SHROOM3: variants seen among roughly 807,000 people sequenced by gnomAD.
SHROOM3 encodes protein Shroom3.
A neutral mutation model predicts 138.6 loss-of-function variants in SHROOM3; 47 were observed. The ratio of observed to expected loss-of-function variants is 0.34; its 90% CI spans 0.27 to 0.43. The LOEUF (loss-of-function observed/expected upper bound fraction) is 0.43, where lower values mean the gene tolerates loss of function less well. Ranked by LOEUF, SHROOM3 falls within the 20% of genes least tolerant of loss-of-function variation. The pLI is 1.00. For synonymous variants in SHROOM3, 1,062 were observed against 1,063.3 expected, an observed-to-expected ratio of 1.00 and a Z score of 0.02; for missense variants, 2,491 against 2,596.5, an observed-to-expected ratio of 0.96 and a Z score of 0.88.
At chr4:76,552,115 C>A (rs967660951) in intron 1 of SHROOM3, among the ~76,000 whole-genome samples, 3 of 150,172 alleles carry the variant, frequency 2.0e-5, no homozygotes, top group Admixed American at 1.3e-4. Context: ...CCCGCCTCGG[C>A]CCCCCTAAAT....
chr4:76,634,418 C>A (rs1735432412), intron 2 of SHROOM3, among the ~76,000 whole-genome samples: 1 of 152,142 alleles, frequency 6.6e-6, no homozygotes, highest in Non-Finnish European at 1.5e-5. Context: ...CAACAGCATG[C>A]AGCATTTTAT....
chr4:76,681,503 T>G (rs1346820416), intron 2 of SHROOM3, among the ~76,000 whole-genome samples: 3 of 151,528 alleles, frequency 2.0e-5, no homozygotes, highest in African/African-American at 7.3e-5. Context: ...CTCATTCAGC[T>G]GGGAGACAGA....
chr4:76,776,510 C>G (rs7682823), intron 10 of SHROOM3, among the ~76,000 whole-genome samples: 7 of 152,100 alleles, frequency 4.6e-5, no homozygotes, highest in Non-Finnish European at 4.4e-5. Flanking sequence ...TTGTCATGAA[C>G]TCTTTGCCGA....
intron 2 of SHROOM3, among the ~76,000 whole-genome samples, chr4:76,699,646 A>G (rs544303242): frequency 1.3e-5 from 2 of 152,256 alleles, no homozygotes; most frequent in South Asian, 4.1e-4. Flanking sequence ...GGGAAGAAGG[A>G]TTACCAAATC....
intron 2 of SHROOM3, among the ~76,000 whole-genome samples, chr4:76,674,186 G>A (rs1718961338): frequency 1.3e-5 from 2 of 152,004 alleles, no homozygotes; most frequent in African/African-American, 4.8e-5. Context: ...ACTGTTGTTT[G>A]TAAATTAGAA....
chr4:76,652,258 G>A (rs1278684620), intron 2 of SHROOM3, among the ~76,000 whole-genome samples: 1 of 152,156 alleles, frequency 6.6e-6, no homozygotes, highest in Non-Finnish European at 1.5e-5. Context: ...AAAAGTAAAA[G>A]ACATCTGGAC....
chr4:76,773,723 C>T (rs1260571981), intron 10 of SHROOM3, among the ~76,000 whole-genome samples: 1 of 152,212 alleles, frequency 6.6e-6, no homozygotes, highest in Non-Finnish European at 1.5e-5. Context: ...TCTTTTCGCA[C>T]TCTCCAGTCT....
chr4:76,479,264 C>T (rs759591689), intron 1 of SHROOM3, among the ~76,000 whole-genome samples: 1 of 151,656 alleles, frequency 6.6e-6, no homozygotes, highest in African/African-American at 2.4e-5. Context: ...ACTAGAACAC[C>T]CAGTTTAGAG....
intron 1 of SHROOM3, among the ~76,000 whole-genome samples, chr4:76,479,712 C>A (rs28813417): frequency 6.6e-6 from 1 of 152,020 alleles, no homozygotes; most frequent in South Asian, 2.1e-4. Context: ...AAGGAAAATA[C>A]GTTAAGGGCA....
intron 1 of SHROOM3, among the ~76,000 whole-genome samples, chr4:76,447,140 C>G (rs955535089): frequency 2.0e-5 from 3 of 152,160 alleles, no homozygotes; most frequent in African/African-American, 7.2e-5. Context: ...CTGGTACAGA[C>G]AGATCCTAGT....
intron 1 of SHROOM3, among the ~76,000 whole-genome samples, chr4:76,438,947 C>A (rs1361752059): frequency 1.3e-5 from 2 of 152,162 alleles, no homozygotes; most frequent in East Asian, 3.8e-4. Flanking sequence ...GGATGCCAGG[C>A]AGACCTCCAT....
At chr4:76,616,673 G>A (rs1734888335) in intron 2 of SHROOM3, among the ~76,000 whole-genome samples, 1 of 152,198 alleles carries the variant, frequency 6.6e-6, no homozygotes, top group African/African-American at 2.4e-5. Flanking sequence ...CGGGGACTGG[G>A]TAAGTGGGGA....
intron 1 of SHROOM3, among the ~76,000 whole-genome samples, chr4:76,547,117 T>G (rs919028959): frequency 6.6e-6 from 1 of 152,172 alleles, no homozygotes; most frequent in Non-Finnish European, 1.5e-5. Flanking sequence ...GTTCAGAGAT[T>G]TTAGGATCCC....
At chr4:76,463,526 A>C (rs558719020) in intron 1 of SHROOM3, among the ~76,000 whole-genome samples, 4 of 152,374 alleles carry the variant, frequency 2.6e-5, no homozygotes, top group Admixed American at 2.0e-4. Context: ...CAAGCCAGCT[A>C]TGGAAATTTG....
intron 2 of SHROOM3, among the ~76,000 whole-genome samples, chr4:76,578,130 A>C (rs1175243810): frequency 2.0e-5 from 3 of 152,210 alleles, no homozygotes; most frequent in Non-Finnish European, 4.4e-5. Flanking sequence ...AGAGCTAAGA[A>C]AACACACCCC....
At chr4:76,748,757 C>T (rs992754043) in intron 5 of SHROOM3, among the ~76,000 whole-genome samples, 1 of 148,744 alleles carries the variant, frequency 6.7e-6, no homozygotes, top group African/African-American at 2.5e-5. Flanking sequence ...AGTTAGGAAA[C>T]ATCCTTGTTA....
Position 76,779,016 on chromosome 4 carries a change from C to T in SHROOM3, c.5830C>T (p.Leu1944=). 13 of 1,614,228 alleles carry T rather than the reference C, an allele frequency of 8.1e-6. No homozygotes were observed. The highest frequency in any genetic ancestry group is 1.0e-5 in the Non-Finnish European group (12 of 1,180,050). ...ACGGAAGCTGGATGACAAGATCAAG[C>T]TGGGCCAGGAGCAGGTCAAGTGTCT... The part of the protein sequence containing the change: ...EQRKLDDKIK[L]GQEQVKCLLE... The change falls in exon 11 of 11, where the codon CTG becomes TTG. Residue 1944 remains leucine, a synonymous_variant. Coordinates refer to ENST00000296043, the MANE Select transcript of SHROOM3 (RefSeq NM_020859.4).
chr4:76,511,036 G>A (rs1404035500), intron 1 of SHROOM3, among the ~76,000 whole-genome samples: 2 of 152,042 alleles, frequency 1.3e-5, no homozygotes, highest in Non-Finnish European at 1.5e-5. Flanking sequence ...CAAAAAATTA[G>A]CCAAGTGTGG....
intron 3 of SHROOM3, among the ~76,000 whole-genome samples, chr4:76,715,233 A>G (rs992859338): frequency 3.3e-5 from 5 of 152,202 alleles, no homozygotes; most frequent in Admixed American, 3.3e-4. Context: ...GCCAGGAAGG[A>G]TCTTCTCACT....
Sources: allele counts gnomAD v4.1 joint callset (sites outside exome capture counted in the v4.1 genomes callset), GRCh38; gene constraint gnomAD v4.1.1; transcripts MANE v1.5; gene names NCBI Gene and HGNC (gene_info 2026-07-23, HGNC 2026-07-21).